Variants in AFDN observed in about 807,000 individuals in gnomAD.
The protein encoded by AFDN is afadin.
A neutral mutation model predicts 216.6 loss-of-function variants in AFDN; 68 were observed. The observed-to-expected ratio is 0.31, with a 90% CI of 0.26 to 0.38. AFDN has a LOEUF of 0.38. Ranked by LOEUF, AFDN falls within the 10% of genes least tolerant of loss-of-function variation. AFDN has a pLI of 1.00. For synonymous variants in AFDN, 868 were observed against 853.7 expected, an observed-to-expected ratio of 1.02 and a Z score of -0.29; for missense variants, 2,136 against 2,342.0, an observed-to-expected ratio of 0.91 and a Z score of 1.82.
intron 30 of AFDN, among the ~76,000 whole-genome samples, chr6:167,956,396 G>A (rs557944068): frequency 5.3e-5 from 8 of 152,206 alleles, no homozygotes; most frequent in Admixed American, 2.6e-4. Flanking sequence ...GCCTGCACTC[G>A]TTTCTGCTCT....
chr6:167,880,248 C>T, intron 5 of AFDN, 112 bp from the exon 6 acceptor site: 1 of 950,208 alleles, frequency 1.1e-6, no homozygotes, highest in East Asian at 2.4e-5. Flanking sequence ...TGTCTTTACA[C>T]TCATTTTAGC....
intron 1 of AFDN, among the ~76,000 whole-genome samples, chr6:167,842,105 C>A (rs1490991694): frequency 3.9e-5 from 6 of 152,150 alleles, no homozygotes; most frequent in Non-Finnish European, 5.9e-5. Flanking sequence ...CCCTTTCCCC[C>A]ATCTACTCCT....
chr6:167,966,986 A>G (rs1797634271), intron 32 of AFDN, among the ~76,000 whole-genome samples: 1 of 152,202 alleles, frequency 6.6e-6, no homozygotes, highest in Non-Finnish European at 1.5e-5. Context: ...CCGTTAGGGA[A>G]ACCCCTATGC....
chr6:167,966,050 G>C lies in AFDN; in HGVS notation c.5257+5G>C. The C allele has an allele frequency of 3.2e-6, 5 of 1,543,156 alleles. No individual in the cohort carries two copies. Among genetic ancestry groups the C allele is most frequent in the Non-Finnish European group, 4.4e-6 (5 of 1,146,942 alleles). ...AGGAGGACTGCAGCCTAGCAGGTCA[G>C]GATAAGTACTCCAGCACAAGAAAGT... On this transcript the variant is annotated splice_donor_5th_base_variant and intron_variant, in intron 32 of 33. Coordinates refer to ENST00000683244, the MANE Select transcript of AFDN (RefSeq NM_001386888.1).
At chr6:167,921,090 T>G (rs1376137769) in intron 21 of AFDN, among the ~76,000 whole-genome samples, 2 of 152,266 alleles carry the variant, frequency 1.3e-5, no homozygotes. Flanking sequence ...TGTTCAGTGC[T>G]CAGTAACTGT....
intron 1 of AFDN, among the ~76,000 whole-genome samples, chr6:167,830,666 T>C (rs1441178022): frequency 6.6e-6 from 1 of 152,138 alleles, no homozygotes; most frequent in East Asian, 1.9e-4. Flanking sequence ...GCCCTGATGG[T>C]AAAAATAACC....
chr6:167,906,669 T>C (rs1240447458), intron 12 of AFDN, among the ~76,000 whole-genome samples: 4 of 152,192 alleles, frequency 2.6e-5, no homozygotes, highest in Admixed American at 2.6e-4. Flanking sequence ...ATAATATGTG[T>C]TTTCCCCGGT....
chr6:167,917,270 C>T (rs1221467697), intron 20 of AFDN, 38 bp downstream of exon 20: 1 of 1,449,714 alleles, frequency 6.9e-7, no homozygotes, highest in Non-Finnish European at 9.1e-7. Flanking sequence ...CAGTGCGGGA[C>T]ATGTTTGCAT....
rs557554294 is a variant in AFDN, at chr6:167,962,503, C to A, written c.4904C>A (p.Ala1635Glu). Reference sequence around the variant, plus strand: ...CGCAAGCGGGAAGCGGAAGACCGAGCGAGGCAAGAGGAAGAGCGCCGGCGG... The same window carrying A: ...CGCAAGCGGGAAGCGGAAGACCGAGAGAGGCAAGAGGAAGAGCGCCGGCGG... ...EMRKREAEDR[A>E]RQEEERRRQE... is the part of the protein sequence containing the mutation. Residue 1635 changes from alanine to glutamate, a missense_variant, in exon 31 of 34, where the codon GCG (alanine) becomes GAG (glutamate). Transcript: ENST00000683244. The surrounding 1 kb of genome is among the most constrained non-coding windows in gnomAD (Gnocchi z 5.2). 5 of 1,613,624 alleles carry A rather than the reference C, an allele frequency of 3.1e-6. No individual in the cohort carries two copies. The highest frequency in any genetic ancestry group is 4.2e-6 in the Non-Finnish European group (5 of 1,179,708).
rs201090842 is a variant in AFDN at position 167,828,768 on chromosome 6, G to C, written c.105+1531G>C. Among the ~76,000 whole-genome samples, 129 of 141,232 alleles carry C rather than the reference G, an allele frequency of 9.1e-4. 3 individuals carry two copies. The East Asian group carries it at 0.017, about 18-fold the overall frequency. The allele number at this position is 141,232 out of a possible 152,430, so 92.7% of individuals were successfully genotyped here. A position where few individuals can be genotyped will look rare whatever the true frequency, so the allele number is the denominator to read the frequency against. On this transcript the variant is annotated intron_variant, in intron 1 of 33. Transcript: ENST00000683244. The stretch of plus-strand genomic sequence containing the variant: ...GGTGTGTAGCTTTTTTTTTTTGTTT[G>C]AATGGATTTTTTTTTTTTTTGAGAG...
intron 1 of AFDN, among the ~76,000 whole-genome samples, chr6:167,849,135 G>A (rs536338861): frequency 2.8e-5 from 4 of 142,018 alleles, no homozygotes; most frequent in African/African-American, 9.8e-5. Context: ...CCTACCTTAT[G>A]GGGTTGTTGT....
Position 167,962,715 on chromosome 6 carries a change from T to G in AFDN, c.4968+148T>G, listed in dbSNP as rs540250672. 1 of 1,528,336 alleles carries G rather than the reference T, an allele frequency of 6.5e-7. No homozygotes were observed. The highest frequency in any genetic ancestry group is 1.3e-5 in the South Asian group (1 of 78,064). 94.7% of individuals were successfully genotyped at this position (1,528,336 alleles called of 1,614,324 possible). A position where few individuals can be genotyped will look rare whatever the true frequency, so the allele number is the denominator to read the frequency against. ...GCTCCCCCAGCTTTGTGATTGGACC[T>G]GCAACTTTACCCCATCTGGCCCACC... is the stretch of plus-strand genomic sequence containing the variant. On this transcript the variant is annotated intron_variant, in intron 31 of 33. Coordinates refer to ENST00000683244, the MANE Select transcript of AFDN (RefSeq NM_001386888.1). The surrounding 1 kb of genome is among the most constrained non-coding windows in gnomAD (Gnocchi z 5.2).
At position 167,880,493 on chromosome 6, in the gene AFDN, C is replaced by A. The variant is rs1785974684; in HGVS notation, c.873C>A (p.Asn291Lys). 6.2e-7 allele frequency: 1 copy of A among 1,613,532 alleles called. No individual in the cohort carries two copies. The highest frequency in any genetic ancestry group is 1.1e-5 in the South Asian group (1 of 91,072). The change falls in exon 6 of 34, where the codon AAC becomes AAA. Residue 291 changes from asparagine (N) to lysine (K), a missense_variant. Asn to Lys is a moderately conservative substitution (Grantham distance 94). Coordinates refer to ENST00000683244, the MANE Select transcript of AFDN (RefSeq NM_001386888.1). ...ALEKYGLEKE[N>K]PKDYCIARVM... is the part of the protein sequence containing the mutation. ...AGAAGTATGGTCTGGAAAAAGAAAA[C>A]CCTAAGGATTACTGCATCGCCCGGG...
chr6:167,944,140 T>G, intron 26 of AFDN, 81 bp downstream of exon 26: 1 of 1,078,968 alleles, frequency 9.3e-7, no homozygotes, highest in South Asian at 1.4e-5. Context: ...GAGGAGGTAC[T>G]GGTGTTACTA....
chr6:167,971,671 A>G lies in AFDN; in HGVS notation c.*1736A>G. ...CTTTTCTGTTAATATATAGAAAAAT[A>G]CACAGGAGAACATGCAGATACATGT... On this transcript the variant is annotated 3_prime_UTR_variant, in exon 34 of 34. Coordinates refer to ENST00000683244, the MANE Select transcript of AFDN (RefSeq NM_001386888.1). 1 of 197,040 alleles carries G rather than the reference A, an allele frequency of 5.1e-6. No homozygotes were observed. The allele number at this position is 197,040 out of a possible 1,614,324, so 12.2% of individuals were successfully genotyped here.
intron 12 of AFDN, among the ~76,000 whole-genome samples, chr6:167,903,199 A>G (rs1369903302): frequency 6.6e-6 from 1 of 152,220 alleles, no homozygotes; most frequent in Non-Finnish European, 1.5e-5. Flanking sequence ...CTTTGTGGCT[A>G]AACAGCAACC....
chr6:167,936,317 T>C (rs2300800), intron 23 of AFDN, among the ~76,000 whole-genome samples: 65,162 of 151,664 alleles, frequency 0.43, 14,650 homozygotes, highest in East Asian at 0.8. Context: ...ACTTGAATGT[T>C]CTACATGCTG....
At position 167,872,304 on chromosome 6, in the gene AFDN, A is replaced by G; in HGVS notation, c.505A>G (p.Lys169Glu). The G allele has an allele frequency of 6.2e-7, 1 of 1,614,110 alleles. No homozygotes were observed. The highest frequency in any genetic ancestry group is 8.5e-7 in the Non-Finnish European group (1 of 1,179,992). The change falls in exon 4 of 34, where the codon AAA becomes GAA. Residue 169 changes from lysine (K) to glutamate (E), a missense_variant. By Grantham distance (56) the Lys-to-Glu change is moderately conservative (BLOSUM62 1). Transcript: ENST00000683244. ...TCTCTCAAAGAAAGAAAAGAAGGAAAAAAAGAAGAGAGAAAAAGAGGCATT... is the reference window on the plus strand; with the variant it reads ...TCTCTCAAAGAAAGAAAAGAAGGAAGAAAAGAAGAGAGAAAAAGAGGCATT... ...RTLSKKEKKE[K>E]KKREKEALRQ...
At position 167,855,568 on chromosome 6, in the gene AFDN, TC is replaced by T. The variant is rs563211068; in HGVS notation, c.106-8977del. Among the ~76,000 whole-genome samples, 171 of 152,142 alleles carry T rather than the reference TC, an allele frequency of 1.1e-3. 2 individuals are homozygous for T. Among genetic ancestry groups the T allele is most frequent in the African/African-American group, 4.1e-3 (170 of 41,532 alleles). On this transcript the variant is annotated intron_variant, in intron 1 of 33. Transcript: ENST00000683244. ...TTCTTATTTAATTTAAAATGAGGATTCCCCCCTTAGCTAGCATTCATTGACT... is the reference window on the plus strand; with the variant it reads ...TTCTTATTTAATTTAAAATGAGGATTCCCCCTTAGCTAGCATTCATTGACT...
Sources: allele counts gnomAD v4.1 joint callset (sites outside exome capture counted in the v4.1 genomes callset), GRCh38; gene constraint gnomAD v4.1.1; non-coding constraint Gnocchi (gnomAD v3.1); transcripts MANE v1.5; gene names NCBI Gene and HGNC (gene_info 2026-07-23, HGNC 2026-07-21).